Variants in ARHGEF4 observed in about 807,000 individuals in gnomAD.
ARHGEF4 encodes Rho guanine nucleotide exchange factor 4.
ARHGEF4 carries 119 observed loss-of-function variants against 162.0 expected under a neutral mutation model. That is an observed-to-expected ratio of 0.73 (90% CI 0.63 to 0.86). The LOEUF is 0.86. Among genes scored for constraint, ARHGEF4 ranks in the 40% least tolerant of loss-of-function variants. The pLI, the probability that ARHGEF4 is intolerant of heterozygous loss-of-function variation, is 0.00. For synonymous variants in ARHGEF4, 1,014 were observed against 979.9 expected (o/e 1.03, Z -0.65); for missense variants, 2,488 against 2,456.0 (o/e 1.01, Z -0.28).
chr2:130,974,567 C>T (rs558712714), intron 4 of ARHGEF4, among the ~76,000 whole-genome samples: 1 of 151,728 alleles, frequency 6.6e-6, no homozygotes, highest in South Asian at 2.1e-4. Context: ...CCCACCTCAG[C>T]CTCCTGAGTA....
intron 2 of ARHGEF4, among the ~76,000 whole-genome samples, chr2:130,929,569 G>T (rs144932066): frequency 1.3e-5 from 2 of 151,976 alleles, no homozygotes; most frequent in South Asian, 4.1e-4. Context: ...AAACTCTATC[G>T]AGGAGCTTTA....
intron 4 of ARHGEF4, among the ~76,000 whole-genome samples, chr2:131,014,209 GA>G (rs1278528396): frequency 5.3e-5 from 8 of 152,142 alleles, no homozygotes; most frequent in African/African-American, 1.9e-4. Flanking sequence ...TCTGTTCAGT[GA>G]AAAATGAAAA....
At chr2:130,898,832 TGACA>T (rs1680314922) in intron 1 of ARHGEF4, among the ~76,000 whole-genome samples, 1 of 152,072 alleles carries the variant, frequency 6.6e-6, no homozygotes, top group Non-Finnish European at 1.5e-5. Flanking sequence ...ATGGAGCCAG[TGACA>T]GACAGATTGT....
At chr2:130,899,621 AG>A (rs1235600235) in intron 1 of ARHGEF4, among the ~76,000 whole-genome samples, 1 of 152,190 alleles carries the variant, frequency 6.6e-6, no homozygotes, top group African/African-American at 2.4e-5. Flanking sequence ...AGCAGGTGAG[AG>A]GGAGCCTTTG....
intron 4 of ARHGEF4, among the ~76,000 whole-genome samples, chr2:130,982,679 C>T (rs1686209052): frequency 1.3e-5 from 2 of 150,716 alleles, no homozygotes; most frequent in Admixed American, 6.7e-5. Context: ...GATTCTTTCT[C>T]ATACAAAATT....
intron 5 of ARHGEF4, among the ~76,000 whole-genome samples, chr2:131,028,350 G>C (rs891355522): frequency 6.6e-6 from 1 of 152,172 alleles, no homozygotes; most frequent in Non-Finnish European, 1.5e-5. Context: ...TTATGGGGCT[G>C]TCCTAGTGAG....
intron 4 of ARHGEF4, among the ~76,000 whole-genome samples, chr2:130,992,386 A>G (rs1687073253): frequency 6.6e-6 from 1 of 150,878 alleles, no homozygotes. Context: ...TAAGAGCTGT[A>G]ACGCTCACCG....
Position 130,916,509 on chromosome 2 carries a change from G to C in ARHGEF4, c.2563G>C (p.Ala855Pro). The change falls in exon 2 of 14, where the codon GCC (alanine) becomes CCC (proline). Residue 855 changes from alanine to proline, a missense_variant. By Grantham distance (27) the Ala-to-Pro change is conservative. Coordinates refer to ENST00000409359, the MANE Select transcript of ARHGEF4 (RefSeq NM_001367493.1). ...GCCTCTGCACCACGGGGACGCCAGC[G>C]CCTGGCCCGAGTTTGTCCCGCAGGC... ...APPLHHGDAS[A>P]WPEFVPQAAG... The C allele has an allele frequency of 1.3e-6, 2 of 1,548,698 alleles. No individual in the cohort carries two copies. Among genetic ancestry groups the C allele is most frequent in the Non-Finnish European group, 1.7e-6 (2 of 1,146,750 alleles).
At chr2:130,993,594 C>T (rs1687192567) in intron 4 of ARHGEF4, among the ~76,000 whole-genome samples, 1 of 151,986 alleles carries the variant, frequency 6.6e-6, no homozygotes, top group South Asian at 2.1e-4. Flanking sequence ...TAGAGGCTAT[C>T]TTAATAGAAG....
At chr2:131,005,207 A>G (rs1171810005) in intron 4 of ARHGEF4, among the ~76,000 whole-genome samples, 1 of 152,202 alleles carries the variant, frequency 6.6e-6, no homozygotes, top group Admixed American at 6.5e-5. Flanking sequence ...CAGTGGGCTG[A>G]TATCTGTCAC....
chr2:131,035,365 TCCACC>T, intron 5 of ARHGEF4: 2 of 1,029,378 alleles, frequency 1.9e-6, no homozygotes, highest in Non-Finnish European at 2.4e-6. Flanking sequence ...AAGGCCTCCT[TCCACC>T]CCATGTGCTC....
chr2:130,935,980 G>T (rs891484260), intron 3 of ARHGEF4, among the ~76,000 whole-genome samples: 1 of 152,152 alleles, frequency 6.6e-6, no homozygotes, highest in African/African-American at 2.4e-5. Context: ...CAGGAGAATT[G>T]CTTGAAACCG....
intron 1 of ARHGEF4, among the ~76,000 whole-genome samples, chr2:130,868,368 T>C (rs555743120): frequency 1.5e-5 from 2 of 133,126 alleles, no homozygotes; most frequent in South Asian, 2.6e-4. Context: ...CAGCTGGACA[T>C]GGGGGTTGGC....
In ARHGEF4 at chr2:130,956,227, C is replaced by G. The variant is rs909779431; in HGVS notation, c.3985+9592C>G. Among the ~76,000 whole-genome samples the G allele has an allele frequency of 9.9e-5, 15 of 152,264 alleles. No individual in the cohort carries two copies. In the South Asian group the frequency reaches 3.1e-3, roughly 32 times the overall value. On this transcript the variant is annotated intron_variant, in intron 4 of 13. Transcript: ENST00000409359. ...AAAAGACACATGAAAAAATGCTCAT[C>G]ATCACTGGCCATCAGAGAAATGCAA...
chr2:130,963,416 C>G (rs963393343), intron 4 of ARHGEF4, among the ~76,000 whole-genome samples: 1 of 151,942 alleles, frequency 6.6e-6, no homozygotes, highest in Admixed American at 6.5e-5. Context: ...GCGTCCTCGC[C>G]CTGGATGGCG....
chr2:130,973,127 A>G (rs559237671), intron 4 of ARHGEF4, among the ~76,000 whole-genome samples: 1 of 152,382 alleles, frequency 6.6e-6, no homozygotes, highest in African/African-American at 2.4e-5. Context: ...TGAACCCCCA[A>G]TTAAAACTGC....
intron 1 of ARHGEF4, among the ~76,000 whole-genome samples, chr2:130,877,581 C>T (rs77220296): frequency 0.018 from 2,695 of 152,184 alleles, 77 homozygotes; most frequent in African/African-American, 0.062. Context: ...ACCCAGTAGG[C>T]CAAGGCTGCA....
At chr2:131,024,994 C>T (rs1689385367) in intron 4 of ARHGEF4, among the ~76,000 whole-genome samples, 1 of 152,026 alleles carries the variant, frequency 6.6e-6, no homozygotes, top group Admixed American at 6.6e-5. Flanking sequence ...CCCTTGGCTC[C>T]TGCTTGCAAG....
intron 1 of ARHGEF4, among the ~76,000 whole-genome samples, chr2:130,890,014 A>T (rs1376762000): frequency 1.3e-5 from 2 of 151,996 alleles, no homozygotes; most frequent in East Asian, 3.9e-4. Flanking sequence ...TGAATTTAAG[A>T]TACCTCCACA....
Sources: gnomAD v4.1 joint callset for allele counts (sites outside exome capture counted in the v4.1 genomes callset) on GRCh38, gnomAD v4.1.1 for gene constraint, MANE v1.5 for transcripts, NCBI Gene and HGNC (gene_info 2026-07-23, HGNC 2026-07-21) for gene names.